NAALADL2: variants seen among roughly 807,000 people sequenced by gnomAD.
NAALADL2 encodes N-acetylated alpha-linked acidic dipeptidase like 2, also known as inactive N-acetylated-alpha-linked acidic dipeptidase-like protein 2.
Under a neutral mutation model 87.2 loss-of-function variants are expected in NAALADL2, and 76 were observed. The observed-to-expected ratio is 0.87, with a 90% confidence interval of 0.72 to 1.05. The LOEUF (loss-of-function observed/expected upper bound fraction) is 1.05, where lower values mean the gene tolerates loss of function less well. NAALADL2 is among the 50% of genes least tolerant of loss of function. NAALADL2 has a pLI of 0.00. For missense variants in NAALADL2, 1,089 were observed against 945.8 expected, an observed-to-expected ratio of 1.15 and a Z score of -1.99; for synonymous variants, 354 against 331.0, an observed-to-expected ratio of 1.07 and a Z score of -0.75.
At chr3:175,786,824 T>G (rs559481683) in intron 13 of NAALADL2, among the ~76,000 whole-genome samples, 27 of 152,320 alleles carry the variant, frequency 1.8e-4, no homozygotes, top group African/African-American at 5.8e-4. Flanking sequence ...TGTTCTGTTT[T>G]TTCCCCATCT....
chr3:174,745,708 C>T (rs1036929676), intron 3 of NAALADL2, among the ~76,000 whole-genome samples: 27 of 152,160 alleles, frequency 1.8e-4, no homozygotes, highest in African/African-American at 6.5e-4. Context: ...TATGAGCAAA[C>T]CGAATCCAGC....
At chr3:174,561,635 G>A (rs1367416044) in intron 2 of NAALADL2, among the ~76,000 whole-genome samples, 1 of 152,146 alleles carries the variant, frequency 6.6e-6, no homozygotes, top group Non-Finnish European at 1.5e-5. Flanking sequence ...ACTTAGCAAA[G>A]TTGTTTGCTG....
intron 1 of NAALADL2, among the ~76,000 whole-genome samples, chr3:174,466,342 ATTC>A (rs72370312): frequency 0.13 from 19,769 of 150,692 alleles, 2,220 homozygotes; most frequent in East Asian, 0.43. Flanking sequence ...GCCCAAGACA[ATTC>A]TTCTTCTTCC....
intron 1 of NAALADL2, among the ~76,000 whole-genome samples, chr3:174,884,706 C>T (rs1470858713): frequency 1.3e-5 from 2 of 152,184 alleles, no homozygotes; most frequent in African/African-American, 2.4e-5. Context: ...CTCCGTATTT[C>T]TTCAACCATT....
At chr3:174,954,332 A>C (rs1053925514) in intron 1 of NAALADL2, among the ~76,000 whole-genome samples, 1 of 152,252 alleles carries the variant, frequency 6.6e-6, no homozygotes, top group South Asian at 2.1e-4. Flanking sequence ...GCTCCATTAA[A>C]GGTTAAATTT....
At chr3:175,291,237 A>T (rs929877816) in intron 4 of NAALADL2, among the ~76,000 whole-genome samples, 3 of 152,132 alleles carry the variant, frequency 2.0e-5, no homozygotes, top group Non-Finnish European at 4.4e-5. Context: ...AAGATATGTG[A>T]TCTCCTGAAT....
intron 5 of NAALADL2, among the ~76,000 whole-genome samples, chr3:175,375,948 G>A (rs1323755398): frequency 6.6e-6 from 1 of 151,880 alleles, no homozygotes; most frequent in Non-Finnish European, 1.5e-5. Flanking sequence ...TTGCTCTGTG[G>A]TTTACAATAT....
chr3:175,516,875 T>C (rs960409594), intron 9 of NAALADL2, among the ~76,000 whole-genome samples: 3 of 152,212 alleles, frequency 2.0e-5, no homozygotes, highest in Non-Finnish European at 2.9e-5. Flanking sequence ...TTTTAAGTAA[T>C]TTTCTTACCA....
rs114571797 is a variant in NAALADL2, at chr3:174,642,861, C to T, written c.-115+92224C>T. On this transcript the variant is annotated intron_variant, in intron 2 of 3. Transcript: ENST00000434257. Reference sequence around the variant, plus strand: ...ACTGTGATGCAATCACAACTCACTGCAGCCTCAACCTCGTGGGCTCAAATG... The same window carrying T: ...ACTGTGATGCAATCACAACTCACTGTAGCCTCAACCTCGTGGGCTCAAATG... 7.0e-3 allele frequency among the ~76,000 whole-genome samples: 1,061 copies of T among 150,578 alleles called. 8 individuals are homozygous for T. The highest frequency in any genetic ancestry group is 0.025 in the African/African-American group (1,008 of 40,940).
chr3:174,869,534 C>A (rs377671931), intron 1 of NAALADL2, among the ~76,000 whole-genome samples: 22 of 152,056 alleles, frequency 1.4e-4, no homozygotes, highest in African/African-American at 4.8e-4. Flanking sequence ...ATGACAAATT[C>A]GCTGGATTAC....
intron 2 of NAALADL2, among the ~76,000 whole-genome samples, chr3:174,701,666 C>A (rs1233626336): frequency 8.1e-6 from 1 of 123,214 alleles, no homozygotes; most frequent in Non-Finnish European, 1.7e-5. Context: ...TTGATTAGTT[C>A]TGTCACTATA....
At chr3:175,177,305 A>G (rs1445863064) in intron 2 of NAALADL2, among the ~76,000 whole-genome samples, 5 of 152,020 alleles carry the variant, frequency 3.3e-5, no homozygotes, top group African/African-American at 9.7e-5. Flanking sequence ...TCTGACCTCT[A>G]TTTCTCCATG....
intron 3 of NAALADL2, among the ~76,000 whole-genome samples, chr3:174,765,142 A>ATGAG (rs1713627406): frequency 9.4e-6 from 1 of 106,868 alleles, no homozygotes; most frequent in African/African-American, 3.0e-5. Flanking sequence ...ACACACACAC[A>ATGAG]CGAGAGAGAG....
chr3:175,021,180 C>G (rs1171475690), intron 1 of NAALADL2, among the ~76,000 whole-genome samples: 6 of 151,960 alleles, frequency 3.9e-5, no homozygotes, highest in African/African-American at 1.4e-4. Context: ...TGTTTAGTCG[C>G]AGGTCTAATT....
rs1754584358 is a variant in NAALADL2 at position 175,805,090 on chromosome 3, G to T, written c.*1887G>T. On this transcript the variant is annotated 3_prime_UTR_variant, in exon 14 of 14. Transcript: ENST00000454872. ...AAGAGGTGGGAATACACAAGCAGGT[G>T]CATGTAAGCCCAAAAGCTAGAAAGC... 6.6e-6 allele frequency: 1 copy of T among 151,666 alleles called. No homozygotes were observed. The highest frequency in any genetic ancestry group is 2.4e-5 in the African/African-American group (1 of 41,180). 9.4% of individuals were successfully genotyped at this position (151,666 alleles called of 1,614,324 possible). A position where few individuals can be genotyped will look rare whatever the true frequency, so the allele number is the denominator to read the frequency against.
At chr3:175,367,715 A>G (rs200300546) in intron 5 of NAALADL2, among the ~76,000 whole-genome samples, 15 of 152,098 alleles carry the variant, frequency 9.9e-5, no homozygotes, top group East Asian at 3.9e-4. Flanking sequence ...TGTATCCTGA[A>G]ACTTTGCTGA....
At position 175,712,963 on chromosome 3, in the gene NAALADL2, T is replaced by C. The variant is rs541125332; in HGVS notation, c.1897-24343T>C. On this transcript the variant is annotated intron_variant, in intron 11 of 13. Transcript: ENST00000454872. ...TTTGCAGCATAATGAAGTCTGTAAC[T>C]CTAGCTGATGACCTAACTGTAGTAA... 2.0e-5 allele frequency among the ~76,000 whole-genome samples: 3 copies of C among 152,224 alleles called. No individual in the cohort carries two copies. In the South Asian group the frequency reaches 6.2e-4, roughly 32 times the overall value.
At chr3:174,498,349 G>A (rs1718675314) in intron 1 of NAALADL2, among the ~76,000 whole-genome samples, 1 of 151,826 alleles carries the variant, frequency 6.6e-6, no homozygotes, top group African/African-American at 2.4e-5. Flanking sequence ...ATATCATTGT[G>A]TATTAATCAT....
chr3:175,295,412 T>A (rs192122188), intron 4 of NAALADL2, among the ~76,000 whole-genome samples: 342 of 152,256 alleles, frequency 2.2e-3, no homozygotes, highest in Non-Finnish European at 4.1e-3. Flanking sequence ...TGTGTTTTTT[T>A]CCTCACTGAC....
Sources: gnomAD v4.1 joint callset for allele counts (sites outside exome capture counted in the v4.1 genomes callset) on GRCh38, gnomAD v4.1.1 for gene constraint, MANE v1.5 for transcripts, NCBI Gene and HGNC (gene_info 2026-07-23, HGNC 2026-07-21) for gene names.